The following CST9 variants were observed in gnomAD, a reference collection of about 807,000 sequenced individuals.
The protein encoded by CST9 is cystatin 9.
Under a neutral mutation model 7.7 loss-of-function variants are expected in CST9, and 11 were observed. The ratio of observed to expected loss-of-function variants is 1.44; its 90% confidence interval spans 0.90 to 2.38. CST9 has a LOEUF of 2.38. CST9 is among the 30% of genes most tolerant of loss of function. CST9 has a pLI of 0.00. For synonymous variants in CST9, 71 were observed against 74.3 expected (o/e 0.96, Z 0.23); for missense variants, 214 against 199.1 (o/e 1.07, Z -0.45).
intron 1 of CST9, among the ~76,000 whole-genome samples, chr20:23,605,270 A>G (rs1025130789): frequency 3.4e-5 from 5 of 147,308 alleles, no homozygotes; most frequent in African/African-American, 1.3e-4. Context: ...TTCCATTTTC[A>G]TTTTATGACC....
At chr20:23,605,536 T>C in intron 1 of CST9, 74 bp downstream of exon 1, 2 of 1,533,428 alleles carry the variant, frequency 1.3e-6, no homozygotes, top group Non-Finnish European at 1.8e-6. Flanking sequence ...CCAAGTCTCC[T>C]AGACTAGACA....
intron 1 of CST9, among the ~76,000 whole-genome samples, 183 bp downstream of exon 1, chr20:23,605,427 T>C (rs1326902533): frequency 6.6e-6 from 1 of 152,130 alleles, no homozygotes; most frequent in Non-Finnish European, 1.5e-5. Flanking sequence ...TGAATAGACA[T>C]TTACCTAATT....
chr20:23,604,764 G>C (rs1978715379), intron 1 of CST9, among the ~76,000 whole-genome samples: 1 of 152,230 alleles, frequency 6.6e-6, no homozygotes, highest in South Asian at 2.1e-4. Context: ...CCAGGAGGCA[G>C]AGAACCAGCC....
At position 23,603,483 on chromosome 20, in the gene CST9, G is replaced by T. The variant is rs562843756; in HGVS notation, c.*27C>A. The stretch of plus-strand genomic sequence containing the variant: ...GGGCTTCCCACTAAGGCACAAGCAG[G>T]GCAGCCTGGTACAGCCTGCTGTGGG... On this transcript the variant is annotated 3_prime_UTR_variant, in exon 2 of 2. Coordinates refer to ENST00000376971, the MANE Select transcript of CST9 (RefSeq NM_001008693.3). 3.1e-6 allele frequency: 5 copies of T among 1,611,494 alleles called. No homozygotes were observed. In the Admixed American group the frequency reaches 6.7e-5, roughly 22 times the overall value.
rs139668286 is a variant in CST9 at position 23,605,688 on chromosome 20, G to A, written c.177C>T (p.Asn59=). Residue 59 remains asparagine, a synonymous_variant, in exon 1 of 2, where the codon AAC becomes AAT. Transcript: ENST00000376971. ...AGGCATGCTCCTCCTTGCTCTGCAC[G>A]TTGAAAGTGTTCAAGGCAAACTCCA... ...ATVEFALNTF[N]VQSKEEHAYR... 444 of 1,614,140 alleles carry A rather than the reference G, an allele frequency of 2.8e-4. 1 individual carries two copies. The highest frequency in any genetic ancestry group is 4.9e-4 in the Middle Eastern group (3 of 6,062).
chr20:23,603,537 T>A lies in CST9; in HGVS notation c.453A>T (p.Lys151Asn). Residue 151 changes from lysine (K) to asparagine (N), a missense_variant, in exon 2 of 2, where the codon AAA (lysine) becomes AAT (asparagine). By Grantham distance (94) the Lys-to-Asn change is moderately conservative (BLOSUM62 0). Coordinates refer to ENST00000376971, the MANE Select transcript of CST9 (RefSeq NM_001008693.3). ...ACTTCCCTTTGTCCCTCGGAATGGC[T>A]TTGTCAGCTGCTCCTGTGCCCACAC... ...GCGVGTGAAD[K>N]AIPRDKGK The A allele has an allele frequency of 6.2e-7, 1 of 1,614,150 alleles. No individual in the cohort carries two copies. Among genetic ancestry groups the A allele is most frequent in the South Asian group, 1.1e-5 (1 of 91,074 alleles).
intron 1 of CST9, among the ~76,000 whole-genome samples, chr20:23,605,269 C>A (rs1978729928): frequency 6.6e-6 from 1 of 151,758 alleles, no homozygotes; most frequent in South Asian, 2.1e-4. Flanking sequence ...TTTCCATTTT[C>A]ATTTTATGAC....
rs143023679 is a variant in CST9 at position 23,605,651 on chromosome 20, G to A, written c.214C>T (p.Arg72Cys). The A allele has an allele frequency of 2.5e-4, 411 of 1,614,008 alleles. 6 individuals carry two copies. The East Asian group carries it at 5.9e-3, about 23-fold the overall frequency. The change falls in exon 1 of 2, where the codon CGC becomes TGC. Residue 72 changes from arginine (R) to cysteine (C), a missense_variant. Coordinates refer to ENST00000376971, the MANE Select transcript of CST9 (RefSeq NM_001008693.3). ...SKEEHAYRLL[R>C]VLSSWREDSM... ...TCCTCCCTCCATGAACTCAGGACGC[G>A]CAACAGCCTGTAGGCATGCTCCTCC...
rs1978643105 is a variant in CST9, at chr20:23,602,663, CA to C, written c.*846del. 4.1e-6 allele frequency: 4 copies of C among 984,980 alleles called. No individual in the cohort carries two copies. The highest frequency in any genetic ancestry group is 4.8e-6 in the Non-Finnish European group (4 of 829,618). The allele number at this position is 984,980 out of a possible 1,614,324, so 61.0% of individuals were successfully genotyped here. A position where few individuals can be genotyped will look rare whatever the true frequency, so the allele number is the denominator to read the frequency against. On this transcript the variant is annotated 3_prime_UTR_variant, in exon 2 of 2. Coordinates refer to ENST00000376971, the MANE Select transcript of CST9 (RefSeq NM_001008693.3). Reference sequence around the variant, plus strand: ...TCTGAGCAGGTCTTGTTCAGGAGTTCAAAATATGTCTTCCAGGGCATGGTTT... The same window carrying C: ...TCTGAGCAGGTCTTGTTCAGGAGTTCAAATATGTCTTCCAGGGCATGGTTT...
rs181926975 is a variant in CST9, at chr20:23,605,344, C to T, written c.255+266G>A. Among the ~76,000 whole-genome samples the T allele has an allele frequency of 2.0e-5, 3 of 152,136 alleles. 1 individual carries two copies. Among genetic ancestry groups the T allele is most frequent in the Admixed American group, 2.0e-4 (3 of 15,302 alleles). On this transcript the variant is annotated intron_variant, in intron 1 of 1. Transcript: ENST00000376971. ...TTGTCAGCTTCATCTCCTTAGAAGT[C>T]CTTATTTTGAAGTCACTCTTCAGTT...
chr20:23,605,548 C>A, intron 1 of CST9, 62 bp downstream of exon 1: 10 of 1,572,340 alleles, frequency 6.4e-6, no homozygotes, highest in Non-Finnish European at 8.7e-6. Context: ...GACTAGACAT[C>A]TTGGTCCCTC....
At chr20:23,605,278 A>G (rs1978730193) in intron 1 of CST9, among the ~76,000 whole-genome samples, 1 of 150,896 alleles carries the variant, frequency 6.6e-6, no homozygotes, top group African/African-American at 2.4e-5. Context: ...TCATTTTATG[A>G]CCTGGAAATG....
chr20:23,605,187 T>C (rs2122410973), intron 1 of CST9, among the ~76,000 whole-genome samples: 1 of 152,142 alleles, frequency 6.6e-6, no homozygotes. Context: ...TCTCTCTCTC[T>C]CTCTGTCTCT....
Position 23,603,728 on chromosome 20 carries a change from C to A in CST9, c.262G>T (p.Gly88Cys). 6.2e-7 allele frequency: 1 copy of A among 1,614,204 alleles called. No homozygotes were observed. Among genetic ancestry groups the A allele is most frequent in the Non-Finnish European group, 8.5e-7 (1 of 1,180,034 alleles). ...REDSMDRKWRGKMVFSMNLQL... is the reference protein window; with the variant it reads ...REDSMDRKWRCKMVFSMNLQL... ...AGATTCATGGAGAACACCATCTTACCTCGCCACTGTTGGACAAAAGAAGAT... is the reference window on the plus strand; with the variant it reads ...AGATTCATGGAGAACACCATCTTACATCGCCACTGTTGGACAAAAGAAGAT... Residue 88 changes from glycine (G) to cysteine (C), a missense_variant, in exon 2 of 2, where the codon GGT (glycine) becomes TGT (cysteine). By Grantham distance (159) the Gly-to-Cys change is radical. Coordinates refer to ENST00000376971, the MANE Select transcript of CST9 (RefSeq NM_001008693.3).
chr20:23,603,483 G>C lies in CST9; in HGVS notation c.*27C>G, dbSNP rs562843756. 11 of 1,611,614 alleles carry C rather than the reference G, an allele frequency of 6.8e-6. No individual in the cohort carries two copies. In the South Asian group the frequency reaches 1.1e-4, roughly 16 times the overall value. Reference sequence around the variant, plus strand: ...GGGCTTCCCACTAAGGCACAAGCAGGGCAGCCTGGTACAGCCTGCTGTGGG... The same window carrying C: ...GGGCTTCCCACTAAGGCACAAGCAGCGCAGCCTGGTACAGCCTGCTGTGGG... On this transcript the variant is annotated 3_prime_UTR_variant, in exon 2 of 2. Transcript: ENST00000376971.
chr20:23,605,603 C>A lies in CST9; in HGVS notation c.255+7G>T. 1 of 1,613,066 alleles carries A rather than the reference C, an allele frequency of 6.2e-7. No individual in the cohort carries two copies. Among genetic ancestry groups the A allele is most frequent in the South Asian group, 1.1e-5 (1 of 90,852 alleles). On this transcript the variant is annotated splice_region_variant and intron_variant, in intron 1 of 1. Transcript: ENST00000376971. ...AGGACAGGCCAGAAGAGGATGTGGT[C>A]ACCAACCTTTCTGTCCATGCTATCC... is the stretch of plus-strand genomic sequence containing the variant.
In CST9 at chr20:23,605,582, C is replaced by T. The variant is rs370206228; in HGVS notation, c.255+28G>A. The stretch of plus-strand genomic sequence containing the variant: ...TCACTTAGGGGCAGATGGAGAAGGA[C>T]AGGCCAGAAGAGGATGTGGTCACCA... On this transcript the variant is annotated intron_variant, in intron 1 of 1. Transcript: ENST00000376971. 2.4e-4 allele frequency: 386 copies of T among 1,605,644 alleles called. 2 individuals are homozygous for T. In the South Asian group the frequency reaches 4.1e-3, roughly 17 times the overall value.
intron 1 of CST9, among the ~76,000 whole-genome samples, chr20:23,605,216 C>A (rs111449996): frequency 6.6e-6 from 1 of 151,838 alleles, no homozygotes; most frequent in Non-Finnish European, 1.5e-5. Flanking sequence ...GTCTGTCTGT[C>A]TCTCTCTGTC....
chr20:23,603,815 G>A (rs1331486056), intron 1 of CST9, 81 bp from the exon 2 acceptor site: 2 of 1,405,434 alleles, frequency 1.4e-6, no homozygotes, highest in East Asian at 2.3e-5. Context: ...CATTTGAGTA[G>A]GAGAGGCCCC....
Sources: gnomAD v4.1 joint callset for allele counts (sites outside exome capture counted in the v4.1 genomes callset) on GRCh38, gnomAD v4.1.1 for gene constraint, MANE v1.5 for transcripts, NCBI Gene and HGNC (gene_info 2026-07-23, HGNC 2026-07-21) for gene names.